The following CLCN7 variants were observed in gnomAD, a reference collection of about 807,000 sequenced individuals.
CLCN7 encodes H(+)/Cl(-) exchange transporter 7.
CLCN7 carries 60 observed loss-of-function variants against 102.1 expected under a neutral mutation model. That is an observed-to-expected ratio of 0.59 (90% CI 0.48 to 0.73). The LOEUF (loss-of-function observed/expected upper bound fraction) is 0.73. Among genes scored for constraint, CLCN7 ranks in the 30% least tolerant of loss-of-function variants. CLCN7 has a pLI of 0.00. For missense variants in CLCN7, 962 were observed against 1,125.7 expected, an observed-to-expected ratio of 0.85 and a Z score of 2.08; for synonymous variants, 560 against 490.5, an observed-to-expected ratio of 1.14 and a Z score of -1.87.
intron 21 of CLCN7, 188 bp downstream of exon 21, chr16:1,448,167 G>GC (rs537451642): frequency 8.5e-4 from 680 of 798,652 alleles, no homozygotes; most frequent in Non-Finnish European, 1.0e-3. Flanking sequence ...CCAGGCCGCA[G>GC]CCCCCCCCAC....
rs2038920121 is a variant in CLCN7 at position 1,460,622 on chromosome 16, C to A, written c.485-95G>T. ...CACAGACCAGCCTGGCAGATGCCAC[C>A]CTGCTGGGTGGAGCCATGATGTTCA... is the stretch of plus-strand genomic sequence containing the variant. On this transcript the variant is annotated intron_variant, in intron 5 of 24. Transcript: ENST00000382745. 4 of 1,288,482 alleles carry A rather than the reference C, an allele frequency of 3.1e-6. No individual in the cohort carries two copies. The Admixed American group carries it at 5.5e-5, about 18-fold the overall frequency. 79.8% of individuals were successfully genotyped at this position (1,288,482 alleles called of 1,614,324 possible).
Position 1,448,676 on chromosome 16 carries a change from T to G in CLCN7, c.1883+5A>C. On this transcript the variant is annotated splice_donor_5th_base_variant and intron_variant, in intron 20 of 24. Transcript: ENST00000382745. Reference sequence around the variant, plus strand: ...CCCCACCCACAGGTGTCCTGGGCGCTGTACCTGGCAGTGAGTGAGTGTGAG... The same window carrying G: ...CCCCACCCACAGGTGTCCTGGGCGCGGTACCTGGCAGTGAGTGAGTGTGAG... 6.2e-7 allele frequency: 1 copy of G among 1,612,614 alleles called. No individual in the cohort carries two copies. Among genetic ancestry groups the G allele is most frequent in the Non-Finnish European group, 8.5e-7 (1 of 1,179,936 alleles).
At position 1,446,665 on chromosome 16, in the gene CLCN7, C is replaced by T. The variant is rs774421161; in HGVS notation, c.2384G>A (p.Arg795Lys). 39 of 1,584,912 alleles carry T rather than the reference C, an allele frequency of 2.5e-5. 1 individual carries two copies. In the South Asian group the frequency reaches 4.5e-4, roughly 18 times the overall value. The change falls in exon 25 of 25, where the codon AGA becomes AAA. Residue 795 changes from arginine (R) to lysine (K), a missense_variant. Arg to Lys is a conservative substitution (Grantham distance 26). Around this residue, in one of 2 missense-constraint regions of CLCN7, gnomAD observed 799 missense variants for 988.0 expected, o/e 0.81. Transcript: ENST00000382745. Reference sequence around the variant, plus strand: ...GGCCAGCGAGAGCTCCTCCAAGCCTCTCTTTCCCAGGCGGTACCTGGCGAG... The same window carrying T: ...GGCCAGCGAGAGCTCCTCCAAGCCTTTCTTTCCCAGGCGGTACCTGGCGAG... ...KDLARYRLGK[R>K]GLEELSLAQT is the part of the protein sequence containing the mutation.
At chr16:1,462,190 A>G (rs2038947653) in intron 2 of CLCN7, among the ~76,000 whole-genome samples, 1 of 151,842 alleles carries the variant, frequency 6.6e-6, no homozygotes, top group African/African-American at 2.4e-5. Context: ...TGCCAGGAGC[A>G]AGGTGAATTC....
At chr16:1,454,669 C>T (rs896524460) in intron 12 of CLCN7, among the ~76,000 whole-genome samples, 1 of 152,204 alleles carries the variant, frequency 6.6e-6, no homozygotes, top group Non-Finnish European at 1.5e-5. Context: ...GGGTGGCCAG[C>T]GAGGCTCTCA....
intron 1 of CLCN7, among the ~76,000 whole-genome samples, chr16:1,469,846 T>C (rs1276883904): frequency 6.6e-6 from 1 of 152,148 alleles, no homozygotes; most frequent in African/African-American, 2.4e-5. Context: ...GTCAAGGAAA[T>C]GCAGCCTCTC....
intron 2 of CLCN7, among the ~76,000 whole-genome samples, chr16:1,462,188 G>A (rs556572743): frequency 6.6e-6 from 1 of 151,790 alleles, no homozygotes; most frequent in Admixed American, 6.6e-5. Context: ...AATGCCAGGA[G>A]CAAGGTGAAT....
intron 21 of CLCN7, 131 bp from the exon 22 acceptor site, chr16:1,447,845 C>T: frequency 1.0e-6 from 1 of 996,488 alleles, no homozygotes; most frequent in East Asian, 2.6e-5. Context: ...GTGTCGGTGG[C>T]TACCTGCTCA....
chr16:1,468,141 C>T (rs897789934), intron 1 of CLCN7, among the ~76,000 whole-genome samples: 5 of 152,172 alleles, frequency 3.3e-5, no homozygotes, highest in African/African-American at 1.2e-4. Context: ...ATGTCCTGGG[C>T]GCCAGGCCTG....
rs775941509 is a variant in CLCN7, at chr16:1,455,824, C to T, written c.917-29G>A. On this transcript the variant is annotated intron_variant, in intron 10 of 24. Transcript: ENST00000382745. The stretch of plus-strand genomic sequence containing the variant: ...GAAGGCAGGCGGCCGGCTCGGGTGC[C>T]AGCTGGACACAGGGCACCATGCCCA... The T allele has an allele frequency of 1.5e-5, 24 of 1,610,234 alleles. No homozygotes were observed. The South Asian group carries it at 2.6e-4, about 18-fold the overall frequency.
At chr16:1,456,838 C>CA (rs34329111) in intron 9 of CLCN7, among the ~76,000 whole-genome samples, 1,302 of 107,820 alleles carry the variant, frequency 0.012, 7 homozygotes, top group African/African-American at 0.014. Context: ...GACTCCATCT[C>CA]AAAAAAAAAA....
intron 1 of CLCN7, among the ~76,000 whole-genome samples, chr16:1,465,931 T>A (rs1345410407): frequency 1.3e-5 from 2 of 152,196 alleles, no homozygotes; most frequent in East Asian, 1.9e-4. Flanking sequence ...GTGGTGCAGA[T>A]GTGACTTACG....
Position 1,460,883 on chromosome 16 carries a change from G to A in CLCN7, c.417C>T (p.Leu139=), listed in dbSNP as rs1285794775. The A allele has an allele frequency of 9.3e-6, 15 of 1,614,012 alleles. No individual in the cohort carries two copies. Among genetic ancestry groups the A allele is most frequent in the Middle Eastern group, 1.6e-4 (1 of 6,062 alleles). ...CCACGATGTCAATGAAGCAGGCCAC[G>A]AGGCCCGTGAGGATCCCAATGAGGG... ...ICALIGILTG[L]VACFIDIVVE... is the part of the protein sequence containing the mutation. The change falls in exon 5 of 25, where the codon CTC becomes CTT. Residue 139 remains leucine (L), a synonymous_variant. Transcript: ENST00000382745.
intron 1 of CLCN7, among the ~76,000 whole-genome samples, chr16:1,467,075 C>G (rs928706281): frequency 2.0e-4 from 31 of 152,138 alleles, no homozygotes; most frequent in African/African-American, 7.2e-4. Flanking sequence ...GTGGCCCTGG[C>G]AGGGGAAGGA....
intron 18 of CLCN7, 87 bp from the exon 19 acceptor site, chr16:1,449,180 T>C: frequency 1.9e-6 from 3 of 1,587,272 alleles, no homozygotes; most frequent in Non-Finnish European, 1.7e-6. Flanking sequence ...ACCCATCCCA[T>C]CCACCTGCTC....
chr16:1,466,597 G>A (rs2039008499), intron 1 of CLCN7: 2 of 152,346 alleles, frequency 1.3e-5, no homozygotes. Context: ...GCTTTCTCTG[G>A]AGTGCTCACC....
chr16:1,464,127 G>A (rs2142393939), intron 2 of CLCN7, among the ~76,000 whole-genome samples: 1 of 152,184 alleles, frequency 6.6e-6, no homozygotes, highest in Middle Eastern at 3.4e-3. Context: ...AAAGTGAACA[G>A]AAAACCCACT....
At chr16:1,451,295 C>T (rs2038745721) in intron 16 of CLCN7, among the ~76,000 whole-genome samples, 1 of 152,178 alleles carries the variant, frequency 6.6e-6, no homozygotes, top group African/African-American at 2.4e-5. Context: ...GTGGCCTCAA[C>T]CTTCTGGGCT....
intron 16 of CLCN7, 57 bp from the exon 17 acceptor site, chr16:1,450,723 C>T (rs1483289050): frequency 1.6e-6 from 2 of 1,226,518 alleles, no homozygotes; most frequent in South Asian, 1.4e-5. Context: ...GCAGGACTGC[C>T]CTGCCCCGCT....
Sources: allele counts gnomAD v4.1 joint callset (sites outside exome capture counted in the v4.1 genomes callset), GRCh38; gene constraint gnomAD v4.1.1; regional missense constraint gnomAD v4.1.1; transcripts MANE v1.5; gene names NCBI Gene and HGNC (gene_info 2026-07-23, HGNC 2026-07-21).